The following ANKIB1 variants were observed in gnomAD, a reference collection of about 807,000 sequenced individuals.
ANKIB1 encodes the protein ankyrin repeat and IBR domain containing 1, also known as ankyrin repeat and IBR domain-containing protein 1.
Under a neutral mutation model 122.1 loss-of-function variants are expected in ANKIB1, and 43 were observed. The observed-to-expected ratio is 0.35, with a 90% CI of 0.28 to 0.45. The LOEUF (loss-of-function observed/expected upper bound fraction) is 0.45, where lower values mean the gene tolerates loss of function less well. ANKIB1 is among the 20% of genes least tolerant of loss of function. The pLI is 1.00. For synonymous variants in ANKIB1, 390 were observed against 442.0 expected (o/e 0.88, Z 1.48); for missense variants, 992 against 1,329.5 (o/e 0.75, Z 3.95).
intron 1 of ANKIB1, among the ~76,000 whole-genome samples, chr7:92,292,188 A>G (rs937397222): frequency 3.3e-5 from 5 of 152,188 alleles, no homozygotes; most frequent in African/African-American, 1.2e-4. Context: ...GTGAAGATAA[A>G]TCTGAGGGGA....
chr7:92,264,601 AG>A (rs1174770101), intron 1 of ANKIB1, among the ~76,000 whole-genome samples: 1 of 151,948 alleles, frequency 6.6e-6, no homozygotes, highest in Non-Finnish European at 1.5e-5. Flanking sequence ...TAGTAAAGAC[AG>A]GGTTTCTCCA....
intron 1 of ANKIB1, among the ~76,000 whole-genome samples, chr7:92,287,912 T>C (rs1802166406): frequency 6.6e-6 from 1 of 151,976 alleles, no homozygotes; most frequent in Non-Finnish European, 1.5e-5. Context: ...GGCGTGCGCC[T>C]GTAGTCCCAG....
At position 92,368,352 on chromosome 7, in the gene ANKIB1, T is replaced by A. The variant is rs529207756; in HGVS notation, c.1487-3125T>A. Among the ~76,000 whole-genome samples, 11 of 150,854 alleles carry A rather than the reference T, an allele frequency of 7.3e-5. No homozygotes were observed. In the South Asian group the frequency reaches 2.3e-3, roughly 32 times the overall value. On this transcript the variant is annotated intron_variant, in intron 10 of 19. Coordinates refer to ENST00000265742, the MANE Select transcript of ANKIB1 (RefSeq NM_019004.2). ...TGTAACTGAAGTGAAGAGAAGAGTTTGAAAGTCAGTAGAGGTGAAAAAATC... is the reference window on the plus strand; with the variant it reads ...TGTAACTGAAGTGAAGAGAAGAGTTAGAAAGTCAGTAGAGGTGAAAAAATC...
At position 92,258,732 on chromosome 7, in the gene ANKIB1, C is replaced by T. The variant is rs944919252; in HGVS notation, c.-91+12213C>T. Among the ~76,000 whole-genome samples the T allele has an allele frequency of 1.1e-4, 17 of 152,074 alleles. 1 individual carries two copies. Among genetic ancestry groups the T allele is most frequent in the African/African-American group, 3.6e-4 (15 of 41,492 alleles). On this transcript the variant is annotated intron_variant, in intron 1 of 19. Coordinates refer to ENST00000265742, the MANE Select transcript of ANKIB1 (RefSeq NM_019004.2). ...GAAGGTAAAAACAAAATTGAATAGA[C>T]ATAGAAAAATTAATCTGGCAGCCAT...
intron 6 of ANKIB1, among the ~76,000 whole-genome samples, chr7:92,344,193 GT>G (rs67933063): frequency 0.027 from 2,604 of 97,190 alleles, 3 homozygotes; most frequent in African/African-American, 0.034. Flanking sequence ...TGTGTTTTTG[GT>G]TTTTTTTTTT....
At chr7:92,273,522 C>T (rs1333739806) in intron 1 of ANKIB1, among the ~76,000 whole-genome samples, 1 of 152,150 alleles carries the variant, frequency 6.6e-6, no homozygotes, top group East Asian at 1.9e-4. Context: ...ATTGCATTGC[C>T]TGAATAGTGA....
chr7:92,264,660 C>T (rs981218036), intron 1 of ANKIB1, among the ~76,000 whole-genome samples: 1 of 151,664 alleles, frequency 6.6e-6, no homozygotes, highest in Non-Finnish European at 1.5e-5. Context: ...GAACTGCCTA[C>T]CTTGGCCTCC....
At chr7:92,256,357 G>A (rs2131876749) in intron 1 of ANKIB1, among the ~76,000 whole-genome samples, 2 of 152,292 alleles carry the variant, frequency 1.3e-5, no homozygotes, top group Middle Eastern at 3.4e-3. Flanking sequence ...GGTTATAGTA[G>A]AGAAAATTCA....
intron 3 of ANKIB1, among the ~76,000 whole-genome samples, chr7:92,313,780 C>T (rs1802738461): frequency 6.6e-6 from 1 of 152,100 alleles, no homozygotes. Flanking sequence ...GAACGTTTAT[C>T]TCTGGGAATA....
At chr7:92,310,730 A>G (rs559692075) in intron 3 of ANKIB1, among the ~76,000 whole-genome samples, 1 of 152,216 alleles carries the variant, frequency 6.6e-6, no homozygotes, top group Non-Finnish European at 1.5e-5. Flanking sequence ...TAGATTGCGT[A>G]TAATACCTAG....
intron 4 of ANKIB1, among the ~76,000 whole-genome samples, chr7:92,320,327 G>C (rs1403948422): frequency 6.6e-6 from 1 of 152,096 alleles, no homozygotes; most frequent in African/African-American, 2.4e-5. Flanking sequence ...CTTCTACTCT[G>C]ATGGAACTGC....
At chr7:92,380,702 G>T (rs998711997) in intron 11 of ANKIB1, among the ~76,000 whole-genome samples, 1 of 152,110 alleles carries the variant, frequency 6.6e-6, no homozygotes, top group Non-Finnish European at 1.5e-5. Context: ...GAAAGGAATA[G>T]TATCAACATC....
intron 9 of ANKIB1, among the ~76,000 whole-genome samples, chr7:92,354,233 A>T (rs1464732341): frequency 2.0e-5 from 3 of 152,228 alleles, no homozygotes; most frequent in Non-Finnish European, 4.4e-5. Context: ...GATGCTATAA[A>T]CTGTAAATTT....
At chr7:92,392,782 C>G (rs1304800688) in intron 17 of ANKIB1, among the ~76,000 whole-genome samples, 1 of 152,022 alleles carries the variant, frequency 6.6e-6, no homozygotes, top group African/African-American at 2.4e-5. Context: ...TTCTGCTTAT[C>G]TTTAAGACTT....
At chr7:92,370,231 G>A (rs934563820) in intron 10 of ANKIB1, among the ~76,000 whole-genome samples, 1 of 151,882 alleles carries the variant, frequency 6.6e-6, no homozygotes, top group Non-Finnish European at 1.5e-5. Context: ...AATGGGGGCC[G>A]GGCACGGTGG....
In ANKIB1 at chr7:92,338,255, T is replaced by TAA. The variant is rs538242807; in HGVS notation, c.788-4755_788-4754dup. On this transcript the variant is annotated intron_variant, in intron 5 of 19. Transcript: ENST00000265742. ...TGAGACCTTGTCTCTACAAAAAAAT[T>TAA]AAAAAAAAAAAAAAATCTGGGCATG... Among the ~76,000 whole-genome samples, 10 of 137,456 alleles carry TAA rather than the reference T, an allele frequency of 7.3e-5. No individual in the cohort carries two copies. In the East Asian group the frequency reaches 8.3e-4, roughly 11 times the overall value. 90.2% of individuals were successfully genotyped at this position (137,456 alleles called of 152,430 possible).
At chr7:92,302,524 TACTC>T (rs996614677) in intron 2 of ANKIB1, among the ~76,000 whole-genome samples, 1 of 152,202 alleles carries the variant, frequency 6.6e-6, no homozygotes, top group Non-Finnish European at 1.5e-5. Flanking sequence ...ACTAAATCCA[TACTC>T]ACAGCTACTG....
At chr7:92,306,518 G>A (rs1413598272) in intron 2 of ANKIB1, among the ~76,000 whole-genome samples, 1 of 152,034 alleles carries the variant, frequency 6.6e-6, no homozygotes, top group African/African-American at 2.4e-5. Context: ...GGGCATTGGA[G>A]GGTAATTAGA....
intron 10 of ANKIB1, among the ~76,000 whole-genome samples, chr7:92,362,823 C>T (rs1414671575): frequency 6.6e-6 from 1 of 152,148 alleles, no homozygotes; most frequent in Non-Finnish European, 1.5e-5. Context: ...TCCTGTTTTA[C>T]AGAGGAAAAC....
Sources: gnomAD v4.1 joint callset for allele counts (sites outside exome capture counted in the v4.1 genomes callset) on GRCh38, gnomAD v4.1.1 for gene constraint, MANE v1.5 for transcripts, NCBI Gene and HGNC (gene_info 2026-07-23, HGNC 2026-07-21) for gene names.